Variants in ERCC8 observed in about 807,000 individuals in gnomAD.
ERCC8 encodes DNA excision repair protein ERCC-8.
Under a neutral mutation model 54.9 loss-of-function variants are expected in ERCC8, and 52 were observed. The ratio of observed to expected loss-of-function variants is 0.95; its 90% CI spans 0.76 to 1.19. ERCC8 has a LOEUF of 1.19. Among genes scored for constraint, ERCC8 ranks in the 50% most tolerant of loss-of-function variants. The probability of loss-of-function intolerance (pLI) is 0.00; values close to 1 mark genes in which losing one functional copy is unlikely to be tolerated. For missense variants in ERCC8, 514 were observed against 466.1 expected (o/e 1.10, Z -0.95); for synonymous variants, 146 against 157.2 (o/e 0.93, Z 0.53).
intron 3 of ERCC8, 108 bp from the exon 4 acceptor site, chr5:60,918,496 A>C: frequency 1.1e-6 from 1 of 912,218 alleles, no homozygotes; most frequent in Non-Finnish European, 1.8e-6. Flanking sequence ...TGAATGGCCA[A>C]ACCGAGATCA....
At position 60,904,795 on chromosome 5, in the gene ERCC8, C is replaced by T. The variant is rs281875222; in HGVS notation, c.478G>A (p.Ala160Thr). Residue 160 changes from alanine (A) to threonine (T), a missense_variant, in exon 5 of 12, where the codon GCA becomes ACA. Transcript: ENST00000676185. ...ACAAAAGAATACACTTACAAACCTG[C>T]TACCAAACAGTGCTTGGTGGAGACT... ...SPVSTKHCLV[A>T]VGTRGPKVQL... The T allele has an allele frequency of 3.8e-6, 6 of 1,587,870 alleles. No individual in the cohort carries two copies. In the Admixed American group the frequency reaches 6.7e-5, roughly 18 times the overall value.
chr5:60,892,772 G>A lies in ERCC8; in HGVS notation c.844-1686C>T, dbSNP rs559593730. On this transcript the variant is annotated intron_variant, in intron 9 of 11. Transcript: ENST00000676185. ...CAATGGCTGGAGCATCCAGCAGCCG[G>A]ATGAACTTGTCCAGGTAGACCTCCT... 3.5e-5 allele frequency: 24 copies of A among 691,078 alleles called. No homozygotes were observed. In the African/African-American group the frequency reaches 4.1e-4, roughly 12 times the overall value. 42.8% of individuals were successfully genotyped at this position (691,078 alleles called of 1,614,324 possible).
chr5:60,914,995 A>T (rs907818657), intron 4 of ERCC8, among the ~76,000 whole-genome samples: 2 of 151,800 alleles, frequency 1.3e-5, no homozygotes, highest in Non-Finnish European at 2.9e-5. Context: ...TTAATAGTTG[A>T]TTTAGGATTT....
intron 1 of ERCC8, among the ~76,000 whole-genome samples, chr5:60,940,099 T>C (rs573674255): frequency 2.4e-4 from 37 of 152,350 alleles, no homozygotes; most frequent in Middle Eastern, 3.4e-3. Context: ...TAATCTCTTA[T>C]CATTTTCATT....
At chr5:60,889,343 T>C (rs1748481997) in intron 10 of ERCC8, among the ~76,000 whole-genome samples, 1 of 152,234 alleles carries the variant, frequency 6.6e-6, no homozygotes, top group Non-Finnish European at 1.5e-5. Flanking sequence ...CATGAATTTA[T>C]ATTCTGTTGC....
chr5:60,928,856 A>C lies in ERCC8; in HGVS notation c.173+8T>G. 1 of 1,509,040 alleles carries C rather than the reference A, an allele frequency of 6.6e-7. No homozygotes were observed. The highest frequency in any genetic ancestry group is 9.2e-7 in the Non-Finnish European group (1 of 1,086,516). The allele number at this position is 1,509,040 out of a possible 1,614,324, so 93.5% of individuals were successfully genotyped here. A position where few individuals can be genotyped will look rare whatever the true frequency, so the allele number is the denominator to read the frequency against. Reference sequence around the variant, plus strand: ...AGAAAAATGATTATACAAGTATAATAAACTTACTATCTCCCTTCAACAGGT... The same window carrying C: ...AGAAAAATGATTATACAAGTATAATCAACTTACTATCTCCCTTCAACAGGT... On this transcript the variant is annotated splice_region_variant and intron_variant, in intron 2 of 11. Transcript: ENST00000676185.
chr5:60,873,813 G>A lies in ERCC8; in HGVS notation c.*802C>T, dbSNP rs1412750625. On this transcript the variant is annotated 3_prime_UTR_variant, in exon 12 of 12. Transcript: ENST00000676185. ...TTAAGATTACCTTCATGATAATCAC[G>A]TGTGGGTTGACACAGACGGAGACAA... 1 of 152,178 alleles carries A rather than the reference G, an allele frequency of 6.6e-6. No homozygotes were observed. Among genetic ancestry groups the A allele is most frequent in the African/African-American group, 2.4e-5 (1 of 41,444 alleles). The allele number at this position is 152,178 out of a possible 1,614,324, so 9.4% of individuals were successfully genotyped here. A position where few individuals can be genotyped will look rare whatever the true frequency, so the allele number is the denominator to read the frequency against.
At chr5:60,896,750 C>T (rs979627970) in intron 9 of ERCC8, among the ~76,000 whole-genome samples, 3 of 151,926 alleles carry the variant, frequency 2.0e-5, no homozygotes, top group Admixed American at 6.6e-5. Flanking sequence ...ATTTTAGATA[C>T]GGACTTAATA....
chr5:60,920,992 T>C (rs557373853), intron 3 of ERCC8, among the ~76,000 whole-genome samples: 44 of 151,858 alleles, frequency 2.9e-4, no homozygotes, highest in African/African-American at 1.0e-3. Context: ...AGTTCTAGAG[T>C]ATTTGAGGCG....
At chr5:60,914,158 G>A (rs963323788) in intron 4 of ERCC8, among the ~76,000 whole-genome samples, 1 of 152,094 alleles carries the variant, frequency 6.6e-6, no homozygotes, top group African/African-American at 2.4e-5. Context: ...TTAACCTTCA[G>A]TCTCATTGAT....
intron 8 of ERCC8, among the ~76,000 whole-genome samples, chr5:60,899,354 C>T (rs944675563): frequency 1.3e-5 from 2 of 151,714 alleles, no homozygotes; most frequent in Non-Finnish European, 1.5e-5. Flanking sequence ...CTCAATGGAG[C>T]AAAAACAAAA....
intron 11 of ERCC8, among the ~76,000 whole-genome samples, chr5:60,879,080 G>T (rs1015181807): frequency 6.6e-6 from 1 of 152,050 alleles, no homozygotes; most frequent in African/African-American, 2.4e-5. Context: ...CTTTGGTCTC[G>T]TTGGTTTCAA....
At chr5:60,906,688 C>A (rs1327607066) in intron 4 of ERCC8, among the ~76,000 whole-genome samples, 1 of 151,778 alleles carries the variant, frequency 6.6e-6, no homozygotes, top group Admixed American at 6.6e-5. Flanking sequence ...AAGATCACGC[C>A]ACTACACTAC....
chr5:60,908,566 T>C (rs1209472091), intron 4 of ERCC8, among the ~76,000 whole-genome samples: 1 of 137,316 alleles, frequency 7.3e-6, no homozygotes, highest in Non-Finnish European at 1.5e-5. Flanking sequence ...TATAAATACA[T>C]ATATATATAT....
At chr5:60,917,332 C>T (rs1225476182) in intron 4 of ERCC8, among the ~76,000 whole-genome samples, 1 of 151,970 alleles carries the variant, frequency 6.6e-6, no homozygotes, top group Non-Finnish European at 1.5e-5. Flanking sequence ...AGTTTAGTTG[C>T]AGCAAAGCAT....
intron 2 of ERCC8, among the ~76,000 whole-genome samples, chr5:60,926,817 C>A (rs1749763536): frequency 6.6e-6 from 1 of 152,110 alleles, no homozygotes; most frequent in Non-Finnish European, 1.5e-5. Flanking sequence ...CAATATAAAA[C>A]AAAATTATGT....
intron 11 of ERCC8, among the ~76,000 whole-genome samples, chr5:60,878,322 G>C (rs945194727): frequency 6.6e-6 from 1 of 152,050 alleles, no homozygotes; most frequent in Admixed American, 6.6e-5. Flanking sequence ...AGATATTGGT[G>C]TAAAATTCTC....
At chr5:60,927,828 T>A (rs1749795776) in intron 2 of ERCC8, among the ~76,000 whole-genome samples, 1 of 152,184 alleles carries the variant, frequency 6.6e-6, no homozygotes, top group Non-Finnish European at 1.5e-5. Flanking sequence ...TCTTTTAGAT[T>A]TAACCACATG....
At chr5:60,908,709 T>C (rs997410583) in intron 4 of ERCC8, among the ~76,000 whole-genome samples, 41 of 151,560 alleles carry the variant, frequency 2.7e-4, no homozygotes, top group African/African-American at 9.5e-4. Context: ...CATGACATTA[T>C]AAAAAAAGGC....
Sources: gnomAD v4.1 joint callset for allele counts (sites outside exome capture counted in the v4.1 genomes callset) on GRCh38, gnomAD v4.1.1 for gene constraint, MANE v1.5 for transcripts, NCBI Gene and HGNC (gene_info 2026-07-23, HGNC 2026-07-21) for gene names.